Variants in PRKN observed in about 807,000 individuals in gnomAD.
The protein encoded by PRKN is E3 ubiquitin-protein ligase parkin.
A neutral mutation model predicts 59.5 loss-of-function variants in PRKN; 56 were observed. That is an observed-to-expected ratio of 0.94 (90% CI 0.76 to 1.18). PRKN has a LOEUF of 1.18. Among genes scored for constraint, PRKN ranks in the 50% most tolerant of loss-of-function variants. The probability of loss-of-function intolerance (pLI) is 0.00; values close to 1 mark genes in which losing one functional copy is unlikely to be tolerated. For missense variants in PRKN, 657 were observed against 596.4 expected, an observed-to-expected ratio of 1.10 and a Z score of -1.06; for synonymous variants, 250 against 222.1, an observed-to-expected ratio of 1.13 and a Z score of -1.12.
At chr6:161,531,178 G>A (rs1228416044) in intron 9 of PRKN, among the ~76,000 whole-genome samples, 4 of 151,792 alleles carry the variant, frequency 2.6e-5, no homozygotes, top group Admixed American at 1.3e-4. Context: ...TCAGGAGATC[G>A]AGACCATCCT....
intron 2 of PRKN, among the ~76,000 whole-genome samples, chr6:162,345,758 C>A (rs549506720): frequency 6.6e-6 from 1 of 152,116 alleles, no homozygotes; most frequent in African/African-American, 2.4e-5. Flanking sequence ...TCGTTATATT[C>A]TTTTGAGCTT....
At chr6:162,393,783 G>A (rs569295396) in intron 2 of PRKN, among the ~76,000 whole-genome samples, 5 of 152,144 alleles carry the variant, frequency 3.3e-5, no homozygotes, top group Non-Finnish European at 5.9e-5. Flanking sequence ...AACTCTCACC[G>A]GTTTTTTCTT....
At chr6:162,420,266 G>GGA (rs1788890940) in intron 2 of PRKN, among the ~76,000 whole-genome samples, 1 of 151,688 alleles carries the variant, frequency 6.6e-6, no homozygotes, top group East Asian at 1.9e-4. Context: ...CAATGGCGGG[G>GGA]AGGGGGGACT....
At chr6:162,465,099 T>C (rs1019422872) in intron 1 of PRKN, among the ~76,000 whole-genome samples, 11 of 152,240 alleles carry the variant, frequency 7.2e-5, no homozygotes, top group African/African-American at 2.6e-4. Flanking sequence ...TCAACAATCA[T>C]GTCAACATTT....
intron 2 of PRKN, among the ~76,000 whole-genome samples, chr6:162,273,773 C>T (rs1780491364): frequency 6.6e-6 from 1 of 152,126 alleles, no homozygotes; most frequent in Non-Finnish European, 1.5e-5. Flanking sequence ...TAATGAGACC[C>T]ATGTATATCT....
Position 162,485,383 on chromosome 6 carries a change from A to G in PRKN, c.8-41910T>C, listed in dbSNP as rs148884756. Among the ~76,000 whole-genome samples, 129 of 152,358 alleles carry G rather than the reference A, an allele frequency of 8.5e-4. 1 individual carries two copies. The Middle Eastern group carries it at 0.041, about 48-fold the overall frequency. On this transcript the variant is annotated intron_variant, in intron 1 of 11. Coordinates refer to ENST00000366898, the MANE Select transcript of PRKN (RefSeq NM_004562.3). ...TTGTGCAATTATTTTAGAAAACACC[A>G]AAGTAGTATGAGAGACACTGCTATT...
At chr6:162,474,736 G>C (rs1020060700) in intron 1 of PRKN, among the ~76,000 whole-genome samples, 1 of 152,160 alleles carries the variant, frequency 6.6e-6, no homozygotes, top group African/African-American at 2.4e-5. Flanking sequence ...TGATGATCTT[G>C]TGATCTGTAG....
At chr6:162,537,995 G>C (rs1242798465) in intron 1 of PRKN, among the ~76,000 whole-genome samples, 1 of 152,144 alleles carries the variant, frequency 6.6e-6, no homozygotes, top group Non-Finnish European at 1.5e-5. Flanking sequence ...CGACATTATT[G>C]TTTTGTTTTG....
chr6:161,802,676 T>TA (rs1791139760), intron 6 of PRKN, among the ~76,000 whole-genome samples: 1 of 152,178 alleles, frequency 6.6e-6, no homozygotes, highest in African/African-American at 2.4e-5. Context: ...GACCCCACCC[T>TA]ACATTCCCAC....
At chr6:162,113,204 G>C (rs1780516796) in intron 4 of PRKN, among the ~76,000 whole-genome samples, 1 of 152,150 alleles carries the variant, frequency 6.6e-6, no homozygotes, top group South Asian at 2.1e-4. Context: ...TTGCTGAGCA[G>C]AGGCTACAAT....
chr6:162,473,120 T>C (rs1791838298), intron 1 of PRKN, among the ~76,000 whole-genome samples: 1 of 152,128 alleles, frequency 6.6e-6, no homozygotes, highest in Non-Finnish European at 1.5e-5. Flanking sequence ...CTTGTACAAG[T>C]GTATCCTCAT....
At chr6:162,203,437 C>CTG (rs1784815566) in intron 3 of PRKN, among the ~76,000 whole-genome samples, 2 of 152,266 alleles carry the variant, frequency 1.3e-5, no homozygotes, top group African/African-American at 2.4e-5. Flanking sequence ...GTTGGCTCCA[C>CTG]TTGGTCAAGC....
At chr6:162,602,836 A>T (rs575681777) in intron 1 of PRKN, among the ~76,000 whole-genome samples, 1 of 152,364 alleles carries the variant, frequency 6.6e-6, no homozygotes, top group African/African-American at 2.4e-5. Context: ...GTGGCCTTTT[A>T]GAAAGCAATG....
At chr6:162,491,750 C>T (rs1366614031) in intron 1 of PRKN, among the ~76,000 whole-genome samples, 2 of 152,150 alleles carry the variant, frequency 1.3e-5, no homozygotes, top group Admixed American at 1.3e-4. Context: ...CAGCAGGGTC[C>T]ACACCGGGTA....
chr6:161,531,080 C>T (rs1779188277), intron 9 of PRKN, among the ~76,000 whole-genome samples: 1 of 152,120 alleles, frequency 6.6e-6, no homozygotes, highest in Non-Finnish European at 1.5e-5. Flanking sequence ...ATTTGCCCAG[C>T]CTTAATAATA....
At chr6:162,071,559 T>C (rs1778575728) in intron 4 of PRKN, among the ~76,000 whole-genome samples, 2 of 151,714 alleles carry the variant, frequency 1.3e-5, no homozygotes, top group Admixed American at 6.6e-5. Context: ...ACAGTATCTG[T>C]GAACTTATCA....
chr6:162,666,211 T>G (rs889399429), intron 1 of PRKN, among the ~76,000 whole-genome samples: 1 of 152,142 alleles, frequency 6.6e-6, no homozygotes, highest in Non-Finnish European at 1.5e-5. Context: ...TTTGTTTCTA[T>G]CATGTGAGAT....
intron 10 of PRKN, among the ~76,000 whole-genome samples, chr6:161,364,445 G>C (rs1427811037): frequency 8.9e-6 from 1 of 112,332 alleles, no homozygotes; most frequent in African/African-American, 3.6e-5. Context: ...GCAACAGAAC[G>C]AGACTCCATC....
rs1784580915 is a variant in PRKN, at chr6:161,352,326, T to G, written c.1286-2115A>C. On this transcript the variant is annotated intron_variant, in intron 11 of 11. Coordinates refer to ENST00000366898, the MANE Select transcript of PRKN (RefSeq NM_004562.3). This position sits in a 1 kb window ranked among gnomAD's most constrained non-coding sequence, Gnocchi z 5.8. ...TAACTTGCCGACATGCAAAATCTCC[T>G]GTTTTCCTAATCCTTTCTGGCTTGT... Among the ~76,000 whole-genome samples, 1 of 152,188 alleles carries G rather than the reference T, an allele frequency of 6.6e-6. No individual in the cohort carries two copies. Among genetic ancestry groups the G allele is most frequent in the South Asian group, 2.1e-4 (1 of 4,834 alleles).
Sources: allele counts gnomAD v4.1 joint callset (sites outside exome capture counted in the v4.1 genomes callset), GRCh38; gene constraint gnomAD v4.1.1; non-coding constraint Gnocchi (gnomAD v3.1); transcripts MANE v1.5; gene names NCBI Gene and HGNC (gene_info 2026-07-23, HGNC 2026-07-21).